Variants in SLC1A1 observed in about 807,000 individuals in gnomAD.
SLC1A1 encodes the protein solute carrier family 1 member 1.
SLC1A1 carries 43 observed loss-of-function variants against 53.3 expected under a neutral mutation model. The observed-to-expected ratio is 0.81, with a 90% CI of 0.63 to 1.04. The LOEUF (loss-of-function observed/expected upper bound fraction) is 1.04, where lower values mean the gene tolerates loss of function less well. Among genes scored for constraint, SLC1A1 ranks in the 50% least tolerant of loss-of-function variants. The probability of loss-of-function intolerance (pLI) is 0.00; values close to 1 mark genes in which losing one functional copy is unlikely to be tolerated. For missense variants in SLC1A1, 748 were observed against 664.9 expected, an observed-to-expected ratio of 1.12 and a Z score of -1.37; for synonymous variants, 307 against 243.2, an observed-to-expected ratio of 1.26 and a Z score of -2.44.
chr9:4,508,419 C>G (rs1250750690), intron 1 of SLC1A1, among the ~76,000 whole-genome samples: 1 of 152,082 alleles, frequency 6.6e-6, no homozygotes, highest in African/African-American at 2.4e-5. Flanking sequence ...GATATTTGCT[C>G]GAGAGACTAG....
At chr9:4,523,477 G>GT (rs1420947750) in intron 1 of SLC1A1, among the ~76,000 whole-genome samples, 2 of 151,852 alleles carry the variant, frequency 1.3e-5, no homozygotes, top group Admixed American at 6.6e-5. Flanking sequence ...TAACTCTGAA[G>GT]TTTTTAATTT....
intron 1 of SLC1A1, among the ~76,000 whole-genome samples, chr9:4,540,201 T>C (rs903912757): frequency 3.3e-5 from 5 of 152,082 alleles, no homozygotes; most frequent in African/African-American, 1.2e-4. Context: ...GGGAGGAGTC[T>C]GGCCAGGGAT....
chr9:4,508,398 T>C (rs897439872), intron 1 of SLC1A1, among the ~76,000 whole-genome samples: 1 of 152,172 alleles, frequency 6.6e-6, no homozygotes, highest in Non-Finnish European at 1.5e-5. Context: ...TGCTGGGCTC[T>C]AAGCCAGTTG....
intron 2 of SLC1A1, among the ~76,000 whole-genome samples, chr9:4,557,453 A>G (rs1375375085): frequency 6.6e-6 from 1 of 152,180 alleles, no homozygotes. Context: ...GCTGTCCAAT[A>G]TGATAGCCAT....
At chr9:4,540,835 G>A (rs890856928) in intron 1 of SLC1A1, among the ~76,000 whole-genome samples, 1 of 152,258 alleles carries the variant, frequency 6.6e-6, no homozygotes, top group Non-Finnish European at 1.5e-5. Context: ...TCATTTTAAA[G>A]TTGAGGACAT....
intron 1 of SLC1A1, among the ~76,000 whole-genome samples, chr9:4,505,446 G>A (rs916946794): frequency 1.3e-5 from 2 of 152,082 alleles, no homozygotes; most frequent in South Asian, 2.1e-4. Flanking sequence ...TAAGTTACCA[G>A]TATAATGTTT....
rs191787336 is a variant in SLC1A1 at position 4,572,848 on chromosome 9, C to A, written c.767+460C>A. On this transcript the variant is annotated intron_variant, in intron 7 of 11. Coordinates refer to ENST00000262352, the MANE Select transcript of SLC1A1 (RefSeq NM_004170.6). The stretch of plus-strand genomic sequence containing the variant: ...ACAGGCATTAGCCACCACACCCAGC[C>A]ACCACTAGAGTATTAAATAATTCCA... Among the ~76,000 whole-genome samples, 1,143 of 152,268 alleles carry A rather than the reference C, an allele frequency of 7.5e-3. 32 individuals are homozygous for A. The highest frequency in any genetic ancestry group is 0.051 in the Admixed American group (783 of 15,292).
intron 3 of SLC1A1, among the ~76,000 whole-genome samples, chr9:4,562,327 G>A (rs1015313960): frequency 5.9e-5 from 9 of 152,134 alleles, no homozygotes; most frequent in African/African-American, 2.2e-4. Context: ...ACCTGCCTTG[G>A]CCTCCCAAAG....
intron 1 of SLC1A1, among the ~76,000 whole-genome samples, chr9:4,528,177 G>A (rs1358285777): frequency 1.3e-5 from 2 of 152,120 alleles, no homozygotes; most frequent in Non-Finnish European, 2.9e-5. Flanking sequence ...AAAGACATCT[G>A]CAGGAACAAG....
intron 6 of SLC1A1, among the ~76,000 whole-genome samples, chr9:4,569,439 G>A (rs911372052): frequency 6.6e-6 from 1 of 152,188 alleles, no homozygotes; most frequent in African/African-American, 2.4e-5. Flanking sequence ...GCTGCCAAAA[G>A]AGTTTGCTAT....
intron 1 of SLC1A1, 108 bp from the exon 2 acceptor site, chr9:4,544,458 AT>A: frequency 1.1e-6 from 1 of 936,366 alleles, no homozygotes; most frequent in East Asian, 2.4e-5. Context: ...GATCTAAACT[AT>A]TTTTCTTGCC....
chr9:4,492,021 GT>G (rs1166909917), intron 1 of SLC1A1, among the ~76,000 whole-genome samples: 1 of 152,222 alleles, frequency 6.6e-6, no homozygotes, highest in Non-Finnish European at 1.5e-5. Flanking sequence ...GGAAAGGAAA[GT>G]CAGGTTTCTA....
intron 10 of SLC1A1, among the ~76,000 whole-genome samples, chr9:4,581,473 CAG>C (rs1455963245): frequency 6.6e-6 from 1 of 152,220 alleles, no homozygotes; most frequent in African/African-American, 2.4e-5. Flanking sequence ...GGCTCAAGGA[CAG>C]AGTTTTCTTT....
Position 4,490,553 on chromosome 9 carries a change from C to A in SLC1A1, c.-127C>A. 1.7e-6 allele frequency: 1 copy of A among 571,978 alleles called. No homozygotes were observed. Among genetic ancestry groups the A allele is most frequent in the Non-Finnish European group, 2.9e-6 (1 of 344,836 alleles). The allele number at this position is 571,978 out of a possible 1,614,324, so 35.4% of individuals were successfully genotyped here. On this transcript the variant is annotated 5_prime_UTR_variant, in exon 1 of 12. Coordinates refer to ENST00000262352, the MANE Select transcript of SLC1A1 (RefSeq NM_004170.6). ...ACGGCGGTGGTGACGGCGGCGACTG[C>A]AGCGGCCGGCTCTCACCTCTCCCCT... is the stretch of plus-strand genomic sequence containing the variant.
chr9:4,582,509 G>T (rs763858454), intron 10 of SLC1A1, among the ~76,000 whole-genome samples: 3 of 152,138 alleles, frequency 2.0e-5, no homozygotes, highest in Non-Finnish European at 4.4e-5. Context: ...AAATGCCCTT[G>T]CCCATCTGCC....
At chr9:4,523,902 G>A (rs1318721844) in intron 1 of SLC1A1, among the ~76,000 whole-genome samples, 1 of 152,224 alleles carries the variant, frequency 6.6e-6, no homozygotes, top group Non-Finnish European at 1.5e-5. Context: ...TAATAAAGTG[G>A]TGAGGCCAAG....
At chr9:4,533,806 G>T (rs1222660529) in intron 1 of SLC1A1, among the ~76,000 whole-genome samples, 1 of 152,108 alleles carries the variant, frequency 6.6e-6, no homozygotes. Context: ...CACTTAGTTG[G>T]AAGTAAAGCA....
At chr9:4,514,906 A>G (rs898697428) in intron 1 of SLC1A1, among the ~76,000 whole-genome samples, 2 of 152,086 alleles carry the variant, frequency 1.3e-5, no homozygotes, top group Non-Finnish European at 2.9e-5. Context: ...ACTTTACATT[A>G]CATTACATTA....
Position 4,536,908 on chromosome 9 carries a change from C to T in SLC1A1, c.92-7659C>T, listed in dbSNP as rs532674820. Among the ~76,000 whole-genome samples, 266 of 151,846 alleles carry T rather than the reference C, an allele frequency of 1.8e-3. 1 individual carries two copies. The highest frequency in any genetic ancestry group is 6.2e-3 in the African/African-American group (257 of 41,184). ...GTCCTTTGTAGGGACATGTATGAAG[C>T]TGGAAACCATCATTCTCAGCAAACT... On this transcript the variant is annotated intron_variant, in intron 1 of 11. Coordinates refer to ENST00000262352, the MANE Select transcript of SLC1A1 (RefSeq NM_004170.6).
Sources: allele counts gnomAD v4.1 joint callset (sites outside exome capture counted in the v4.1 genomes callset), GRCh38; gene constraint gnomAD v4.1.1; transcripts MANE v1.5; gene names NCBI Gene and HGNC (gene_info 2026-07-23, HGNC 2026-07-21).